The following CCBE1 variants were observed in gnomAD, a reference collection of about 807,000 sequenced individuals.
The protein encoded by CCBE1 is collagen and calcium-binding EGF domain-containing protein 1.
CCBE1 carries 37 observed loss-of-function variants against 50.0 expected under a neutral mutation model. The ratio of observed to expected loss-of-function variants is 0.74; its 90% CI spans 0.57 to 0.97. The LOEUF is 0.97. Ranked by LOEUF, CCBE1 falls within the 50% of genes least tolerant of loss-of-function variation. The pLI is 0.00. For missense variants in CCBE1, 538 were observed against 523.8 expected (o/e 1.03, Z -0.26); for synonymous variants, 234 against 203.7 (o/e 1.15, Z -1.27).
intron 2 of CCBE1, among the ~76,000 whole-genome samples, chr18:59,578,790 G>T (rs1218069523): frequency 2.0e-5 from 3 of 152,184 alleles, no homozygotes; most frequent in African/African-American, 7.2e-5. Context: ...ACACACCAGG[G>T]CCCGTCAGGG....
At chr18:59,595,000 T>A (rs1468611966) in intron 2 of CCBE1, among the ~76,000 whole-genome samples, 1 of 151,482 alleles carries the variant, frequency 6.6e-6, no homozygotes, top group Non-Finnish European at 1.5e-5. Context: ...TAGTCCCAGC[T>A]ACTTGAGAGG....
chr18:59,443,977 G>A (rs1910560744), intron 7 of CCBE1, among the ~76,000 whole-genome samples: 1 of 152,138 alleles, frequency 6.6e-6, no homozygotes, highest in Non-Finnish European at 1.5e-5. Context: ...CCTTATATAA[G>A]TGTTAATTAT....
intron 2 of CCBE1, among the ~76,000 whole-genome samples, chr18:59,628,349 C>CTTATATTGG (rs2053813131): frequency 6.6e-6 from 1 of 152,084 alleles, no homozygotes. Context: ...TATGCTTTTT[C>CTTATATTGG]TTATATTGGA....
chr18:59,545,657 G>A (rs375083530), intron 2 of CCBE1, among the ~76,000 whole-genome samples: 18 of 152,278 alleles, frequency 1.2e-4, no homozygotes, highest in African/African-American at 3.9e-4. Flanking sequence ...ATCTTGAATT[G>A]TACTCCTATA....
At chr18:59,620,205 C>T (rs2053693675) in intron 2 of CCBE1, among the ~76,000 whole-genome samples, 2 of 152,192 alleles carry the variant, frequency 1.3e-5, no homozygotes, top group African/African-American at 2.4e-5. Flanking sequence ...CTAGAAGTTT[C>T]TCCCTTCACC....
chr18:59,606,410 T>G (rs2053499878), intron 2 of CCBE1, among the ~76,000 whole-genome samples: 1 of 152,184 alleles, frequency 6.6e-6, no homozygotes, highest in African/African-American at 2.4e-5. Flanking sequence ...TCCCCCAACT[T>G]TTGTTTAGAA....
chr18:59,677,232 C>T (rs1027747107), intron 2 of CCBE1, among the ~76,000 whole-genome samples: 7 of 152,042 alleles, frequency 4.6e-5, no homozygotes, highest in Non-Finnish European at 8.8e-5. Flanking sequence ...CCAAAAAGTC[C>T]CAAACTGGAT....
At chr18:59,539,848 AT>A (rs1415317871) in intron 2 of CCBE1, among the ~76,000 whole-genome samples, 1 of 152,204 alleles carries the variant, frequency 6.6e-6, no homozygotes, top group Non-Finnish European at 1.5e-5. Flanking sequence ...AATATTTTTA[AT>A]TTTACTTTCT....
chr18:59,689,155 A>G (rs2054695859), intron 2 of CCBE1, among the ~76,000 whole-genome samples: 1 of 152,216 alleles, frequency 6.6e-6, no homozygotes, highest in Admixed American at 6.5e-5. Flanking sequence ...TCCCAGGATT[A>G]GACGCTACCT....
At chr18:59,562,502 G>A (rs1214466424) in intron 2 of CCBE1, among the ~76,000 whole-genome samples, 1 of 152,076 alleles carries the variant, frequency 6.6e-6, no homozygotes, top group African/African-American at 2.4e-5. Context: ...GGGCCCACAT[G>A]GGAACTGATT....
chr18:59,585,112 G>GC (rs1486068855), intron 2 of CCBE1, among the ~76,000 whole-genome samples: 1 of 152,038 alleles, frequency 6.6e-6, no homozygotes, highest in African/African-American at 2.4e-5. Flanking sequence ...TTCTGCAGCA[G>GC]CCCGCCATGT....
chr18:59,643,385 T>A (rs1056060517), intron 2 of CCBE1, among the ~76,000 whole-genome samples: 3 of 152,202 alleles, frequency 2.0e-5, no homozygotes, highest in African/African-American at 7.2e-5. Context: ...AAGCAACTGT[T>A]TTGGAAGTTT....
At chr18:59,677,943 C>T (rs2144723300) in intron 2 of CCBE1, among the ~76,000 whole-genome samples, 1 of 152,284 alleles carries the variant, frequency 6.6e-6, no homozygotes, top group Middle Eastern at 3.4e-3. Flanking sequence ...GAAAAGCAAT[C>T]CTAGTATACA....
intron 2 of CCBE1, among the ~76,000 whole-genome samples, chr18:59,619,614 A>G (rs987636739): frequency 1.3e-5 from 2 of 152,160 alleles, no homozygotes; most frequent in Admixed American, 1.3e-4. Flanking sequence ...ATTTAACTGT[A>G]CTCATTTTAG....
intron 2 of CCBE1, among the ~76,000 whole-genome samples, chr18:59,605,386 A>G (rs991799277): frequency 1.3e-5 from 2 of 152,210 alleles, no homozygotes; most frequent in Admixed American, 6.5e-5. Context: ...GATGGTTGGA[A>G]TAAGGCATGA....
intron 2 of CCBE1, among the ~76,000 whole-genome samples, chr18:59,547,051 G>GGGGGACAGAGGGGGAGAGA (rs1915717237): frequency 1.0e-5 from 1 of 98,378 alleles, no homozygotes; most frequent in South Asian, 4.3e-4. Flanking sequence ...GGGGGAGAGA[G>GGGGGACAGAGGGGGAGAGA]GGGGAGAGAG....
intron 2 of CCBE1, among the ~76,000 whole-genome samples, chr18:59,573,122 T>C (rs1031107899): frequency 1.3e-5 from 2 of 151,072 alleles, no homozygotes; most frequent in Non-Finnish European, 3.0e-5. Flanking sequence ...CTGTCTCTAC[T>C]AAAAATACAA....
chr18:59,592,283 TATTAAAC>T (rs2053282608), intron 2 of CCBE1, among the ~76,000 whole-genome samples: 1 of 152,230 alleles, frequency 6.6e-6, no homozygotes, highest in African/African-American at 2.4e-5. Flanking sequence ...ATAAGGTATA[TATTAAAC>T]AAATGAATTT....
chr18:59,434,318 T>C lies in CCBE1; in HGVS notation c.*1590A>G, dbSNP rs986298651. The C allele has an allele frequency of 7.2e-5, 11 of 152,166 alleles. No individual in the cohort carries two copies. The highest frequency in any genetic ancestry group is 1.3e-4 in the Admixed American group (2 of 15,280). The allele number at this position is 152,166 out of a possible 1,614,324, so 9.4% of individuals were successfully genotyped here. Reference sequence around the variant, plus strand: ...GATGGGAAATTCCAACATGAGCTAATATGAGTGTGAGAACGATCATTTGCA... The same window carrying C: ...GATGGGAAATTCCAACATGAGCTAACATGAGTGTGAGAACGATCATTTGCA... On this transcript the variant is annotated 3_prime_UTR_variant, in exon 11 of 11. Coordinates refer to ENST00000439986, the MANE Select transcript of CCBE1 (RefSeq NM_133459.4).
Sources: gnomAD v4.1 joint callset for allele counts (sites outside exome capture counted in the v4.1 genomes callset) on GRCh38, gnomAD v4.1.1 for gene constraint, MANE v1.5 for transcripts, NCBI Gene and HGNC (gene_info 2026-07-23, HGNC 2026-07-21) for gene names.